Variants in ERBB4 observed in about 807,000 individuals in gnomAD.
The protein encoded by ERBB4 is receptor tyrosine-protein kinase erbB-4.
ERBB4 carries 42 observed loss-of-function variants against 158.0 expected under a neutral mutation model. The ratio of observed to expected loss-of-function variants is 0.27; its 90% CI spans 0.21 to 0.34. The LOEUF (loss-of-function observed/expected upper bound fraction) is 0.34. Among genes scored for constraint, ERBB4 ranks in the 10% least tolerant of loss-of-function variants. The pLI is 1.00. For missense variants in ERBB4, 1,333 were observed against 1,624.1 expected, an observed-to-expected ratio of 0.82 and a Z score of 3.08; for synonymous variants, 583 against 558.7, an observed-to-expected ratio of 1.04 and a Z score of -0.61.
chr2:212,509,514 T>C (rs73069029), intron 1 of ERBB4, among the ~76,000 whole-genome samples: 4,928 of 152,142 alleles, frequency 0.032, 275 homozygotes, highest in African/African-American at 0.11. Flanking sequence ...AATTATTACA[T>C]GTTCTGTGAT....
At chr2:211,976,694 T>A (rs2081617774) in intron 2 of ERBB4, among the ~76,000 whole-genome samples, 1 of 152,088 alleles carries the variant, frequency 6.6e-6, no homozygotes, top group Admixed American at 6.5e-5. Flanking sequence ...GTCAATGATA[T>A]CAAATATCAT....
rs925359990 is a variant in ERBB4 at position 211,614,817 on chromosome 2, G to A, written c.2301+4360C>T. On this transcript the variant is annotated intron_variant, in intron 19 of 27. Coordinates refer to ENST00000342788, the MANE Select transcript of ERBB4 (RefSeq NM_005235.3). ...ATACTGCATATCAAATGGAAATATG[G>A]AGAAGAGAAACATACAAAGACTATT... 2.6e-5 allele frequency among the ~76,000 whole-genome samples: 4 copies of A among 151,968 alleles called. 1 individual carries two copies. Among genetic ancestry groups the A allele is most frequent in the Admixed American group, 6.6e-5 (1 of 15,222 alleles).
intron 19 of ERBB4, among the ~76,000 whole-genome samples, chr2:211,605,765 A>G (rs2068959230): frequency 6.6e-6 from 1 of 152,174 alleles, no homozygotes; most frequent in African/African-American, 2.4e-5. Context: ...ATATTTATAT[A>G]ACACAGAATA....
chr2:211,833,199 A>T (rs2077263633), intron 3 of ERBB4, among the ~76,000 whole-genome samples: 1 of 152,128 alleles, frequency 6.6e-6, no homozygotes. Flanking sequence ...GTGAAGTATC[A>T]TATGGTTTTT....
chr2:211,611,825 C>G (rs2069211274), intron 19 of ERBB4, among the ~76,000 whole-genome samples: 1 of 152,018 alleles, frequency 6.6e-6, no homozygotes, highest in African/African-American at 2.4e-5. Flanking sequence ...AAAATGAAAC[C>G]TAATACTACC....
chr2:212,513,116 T>C (rs1206082024), intron 1 of ERBB4, among the ~76,000 whole-genome samples: 2 of 152,216 alleles, frequency 1.3e-5, no homozygotes. Context: ...CCAGAGTAAC[T>C]TTTGCTTACC....
chr2:212,046,196 T>G (rs926965063), intron 2 of ERBB4, among the ~76,000 whole-genome samples: 2 of 152,176 alleles, frequency 1.3e-5, no homozygotes, highest in Non-Finnish European at 2.9e-5. Context: ...GAGACCTAAT[T>G]TTTTATGAGA....
rs1251652931 is a variant in ERBB4, at chr2:211,891,949, T to C, written c.421+55481A>G. On this transcript the variant is annotated intron_variant, in intron 3 of 27. Coordinates refer to ENST00000342788, the MANE Select transcript of ERBB4 (RefSeq NM_005235.3). The stretch of plus-strand genomic sequence containing the variant: ...CAACCAAAAAGAGTCCAGGACCAGA[T>C]GGATTCACAGCTGACTTCTACCAGA... Among the ~76,000 whole-genome samples, 5 of 137,712 alleles carry C rather than the reference T, an allele frequency of 3.6e-5. 1 individual carries two copies. Among genetic ancestry groups the C allele is most frequent in the African/African-American group, 1.2e-4 (4 of 34,008 alleles). The allele number at this position is 137,712 out of a possible 152,430, so 90.3% of individuals were successfully genotyped here. A position where few individuals can be genotyped will look rare whatever the true frequency, so the allele number is the denominator to read the frequency against.
intron 1 of ERBB4, among the ~76,000 whole-genome samples, chr2:212,243,091 T>C (rs897773786): frequency 6.6e-6 from 1 of 152,214 alleles, no homozygotes; most frequent in Non-Finnish European, 1.5e-5. Context: ...CAATCTGTTA[T>C]GCCATTTTCT....
At chr2:212,489,480 T>C (rs1690156974) in intron 1 of ERBB4, among the ~76,000 whole-genome samples, 1 of 151,974 alleles carries the variant, frequency 6.6e-6, no homozygotes, top group African/African-American at 2.4e-5. Context: ...CAACATTCCA[T>C]GGGATATTCT....
chr2:212,142,801 G>A (rs2080529944), intron 1 of ERBB4, among the ~76,000 whole-genome samples: 1 of 151,730 alleles, frequency 6.6e-6, no homozygotes, highest in African/African-American at 2.4e-5. Context: ...CCACCTTTAT[G>A]GAAAGGACTC....
intron 3 of ERBB4, among the ~76,000 whole-genome samples, chr2:211,842,859 C>T (rs1053622627): frequency 3.3e-5 from 5 of 152,046 alleles, no homozygotes; most frequent in Admixed American, 2.0e-4. Flanking sequence ...AGTGCTTGGC[C>T]GGTAGTTGGC....
In ERBB4 at chr2:212,123,351, C is replaced by T. The variant is rs1291079964; in HGVS notation, c.234+1401G>A. On this transcript the variant is annotated intron_variant, in intron 2 of 27. Coordinates refer to ENST00000342788, the MANE Select transcript of ERBB4 (RefSeq NM_005235.3). ...TCGTGAGGCGGAGGTTGCAATGAGC[C>T]GATATCACACCACTGCGCTCCAGCC... Among the ~76,000 whole-genome samples the T allele has an allele frequency of 5.9e-5, 9 of 152,172 alleles. No homozygotes were observed. The East Asian group carries it at 1.4e-3, about 23-fold the overall frequency.
chr2:212,032,602 T>C (rs181200692), intron 2 of ERBB4, among the ~76,000 whole-genome samples: 45 of 152,214 alleles, frequency 3.0e-4, no homozygotes, highest in East Asian at 9.7e-4. Flanking sequence ...TATATGTGGA[T>C]ATAATTTTAA....
chr2:211,516,212 G>A (rs933851570), intron 20 of ERBB4, among the ~76,000 whole-genome samples: 8 of 151,132 alleles, frequency 5.3e-5, no homozygotes, highest in African/African-American at 1.7e-4. Context: ...CACTGCGCCC[G>A]GCCAACATTT....
chr2:211,476,939 G>C (rs2064968752), intron 20 of ERBB4, among the ~76,000 whole-genome samples: 1 of 152,036 alleles, frequency 6.6e-6, no homozygotes, highest in Non-Finnish European at 1.5e-5. Flanking sequence ...TGCAGGGAGG[G>C]ATAAACCTAT....
chr2:211,682,837 C>G (rs896140669), intron 12 of ERBB4, among the ~76,000 whole-genome samples: 5 of 151,798 alleles, frequency 3.3e-5, no homozygotes, highest in Non-Finnish European at 5.9e-5. Context: ...ATAATCTCTG[C>G]CCTTTAATTA....
chr2:212,243,820 A>G (rs957455706), intron 1 of ERBB4, among the ~76,000 whole-genome samples: 4 of 152,176 alleles, frequency 2.6e-5, no homozygotes, highest in Non-Finnish European at 4.4e-5. Flanking sequence ...CAAGAAAAAG[A>G]AGAAGAAAAA....
In ERBB4 at chr2:211,802,590, A is replaced by G. The variant is rs144388622; in HGVS notation, c.422-14431T>C. 7.0e-3 allele frequency among the ~76,000 whole-genome samples: 1,072 copies of G among 152,336 alleles called. 14 individuals carry two copies. The highest frequency in any genetic ancestry group is 0.025 in the African/African-American group (1,032 of 41,566). Reference sequence around the variant, plus strand: ...AAAAGAGAATGATGATTTATTAATAAATACCGGAAATACATTTTTGAAATA... The same window carrying G: ...AAAAGAGAATGATGATTTATTAATAGATACCGGAAATACATTTTTGAAATA... On this transcript the variant is annotated intron_variant, in intron 3 of 27. Coordinates refer to ENST00000342788, the MANE Select transcript of ERBB4 (RefSeq NM_005235.3).
Sources: gnomAD v4.1 joint callset for allele counts (sites outside exome capture counted in the v4.1 genomes callset) on GRCh38, gnomAD v4.1.1 for gene constraint, MANE v1.5 for transcripts, NCBI Gene and HGNC (gene_info 2026-07-23, HGNC 2026-07-21) for gene names.